Variants in GRM8 observed in about 807,000 individuals in gnomAD.
The protein encoded by GRM8 is metabotropic glutamate receptor 8.
In GRM8, 47 loss-of-function variants were observed where a neutral mutation model predicts 87.2. That is an observed-to-expected ratio of 0.54 (90% CI 0.43 to 0.69). GRM8 has a LOEUF of 0.69. GRM8 is among the 30% of genes least tolerant of loss of function. The pLI is 0.00. For synonymous variants in GRM8, 396 were observed against 404.5 expected, an observed-to-expected ratio of 0.98 and a Z score of 0.25; for missense variants, 1,019 against 1,139.2, an observed-to-expected ratio of 0.89 and a Z score of 1.52.
At chr7:126,971,157 TAAAAAAAAAAAAA>T (rs71177581) in intron 3 of GRM8, among the ~76,000 whole-genome samples, 1 of 100,244 alleles carries the variant, frequency 1.0e-5, no homozygotes, top group African/African-American at 3.9e-5. Flanking sequence ...TTTCAATTTG[TAAAAAAAAAAAAA>T]AAAAAAAAAA....
intron 3 of GRM8, among the ~76,000 whole-genome samples, chr7:127,068,712 C>T (rs1821380287): frequency 1.3e-5 from 2 of 152,162 alleles, no homozygotes; most frequent in Admixed American, 6.5e-5. Flanking sequence ...AGATTGGTCC[C>T]AGAGCAGGAG....
At chr7:126,453,356 T>C (rs1431724116) in intron 9 of GRM8, among the ~76,000 whole-genome samples, 2 of 151,776 alleles carry the variant, frequency 1.3e-5, no homozygotes, top group South Asian at 2.1e-4. Context: ...TGCAGTCACT[T>C]ATCACATCCC....
rs981059927 is a variant in GRM8 at position 127,057,469 on chromosome 7, G to GA, written c.727+49026dup. Among the ~76,000 whole-genome samples, 100 of 150,030 alleles carry GA rather than the reference G, an allele frequency of 6.7e-4. 2 individuals are homozygous for GA. The highest frequency in any genetic ancestry group is 3.4e-3 in the South Asian group (16 of 4,744). On this transcript the variant is annotated intron_variant, in intron 3 of 10. Transcript: ENST00000339582. Reference sequence around the variant, plus strand: ...CCATACAATATCCCTATAAAAACAAGAAAAAAAAAGCATCCTCATCATTTT... The same window carrying GA: ...CCATACAATATCCCTATAAAAACAAGAAAAAAAAAAGCATCCTCATCATTTT...
At chr7:126,634,803 A>G (rs991455784) in intron 7 of GRM8, among the ~76,000 whole-genome samples, 2 of 152,178 alleles carry the variant, frequency 1.3e-5, no homozygotes, top group Admixed American at 1.3e-4. Context: ...TCTAGCCTTT[A>G]CTTAAGACAA....
intron 8 of GRM8, among the ~76,000 whole-genome samples, chr7:126,565,984 T>A (rs1297413035): frequency 6.6e-6 from 1 of 152,134 alleles, no homozygotes; most frequent in Non-Finnish European, 1.5e-5. Flanking sequence ...GATATCCACA[T>A]GCACAGGAAT....
rs1280250850 is a variant in GRM8, at chr7:126,902,691, G to A, written c.1019-12C>T. ...GTATCGATCAAATCCTATTTCAAAGGAGAAAGGTATGATTTTAATATTCTT... is the reference window on the plus strand; with the variant it reads ...GTATCGATCAAATCCTATTTCAAAGAAGAAAGGTATGATTTTAATATTCTT... On this transcript the variant is annotated splice_polypyrimidine_tract_variant and intron_variant, in intron 5 of 10. Transcript: ENST00000339582. 3 of 1,553,058 alleles carry A rather than the reference G, an allele frequency of 1.9e-6. No individual in the cohort carries two copies. Among genetic ancestry groups the A allele is most frequent in the Non-Finnish European group, 1.7e-6 (2 of 1,143,082 alleles).
chr7:127,028,652 T>C (rs1182744265), intron 3 of GRM8, among the ~76,000 whole-genome samples: 1 of 152,196 alleles, frequency 6.6e-6, no homozygotes, highest in Non-Finnish European at 1.5e-5. Flanking sequence ...TGATGATAGT[T>C]TGTATTTCTG....
At chr7:127,071,532 C>T (rs1184872220) in intron 3 of GRM8, among the ~76,000 whole-genome samples, 1 of 152,208 alleles carries the variant, frequency 6.6e-6, no homozygotes, top group East Asian at 1.9e-4. Flanking sequence ...GCATCACTCA[C>T]AACAAGCCTC....
At chr7:126,890,853 G>A (rs374776817) in intron 6 of GRM8, among the ~76,000 whole-genome samples, 4 of 151,946 alleles carry the variant, frequency 2.6e-5, no homozygotes, top group African/African-American at 7.3e-5. Context: ...GAGTCCTCAA[G>A]GCTCTATCTC....
chr7:127,078,633 C>T (rs777627347), intron 3 of GRM8, among the ~76,000 whole-genome samples: 1 of 152,178 alleles, frequency 6.6e-6, no homozygotes, highest in African/African-American at 2.4e-5. Flanking sequence ...TTAGAGACAC[C>T]CATTGTCGAC....
intron 7 of GRM8, chr7:126,701,664 A>T (rs1585582906): frequency 2.2e-6 from 1 of 456,602 alleles, no homozygotes; most frequent in East Asian, 7.0e-5. Flanking sequence ...AATAGTCTAG[A>T]TAGTAAAATA....
intron 2 of GRM8, among the ~76,000 whole-genome samples, chr7:127,210,963 A>C (rs149254548): frequency 1.3e-4 from 20 of 152,324 alleles, no homozygotes; most frequent in African/African-American, 4.8e-4. Flanking sequence ...TACAAAGAAC[A>C]TCTCAGAGTT....
intron 3 of GRM8, among the ~76,000 whole-genome samples, chr7:127,072,172 T>C (rs1336730753): frequency 6.6e-6 from 1 of 152,080 alleles, no homozygotes; most frequent in East Asian, 1.9e-4. Flanking sequence ...CACCCAAACA[T>C]CACCCTGTAC....
intron 8 of GRM8, among the ~76,000 whole-genome samples, chr7:126,569,231 A>G (rs534867882): frequency 6.6e-6 from 1 of 152,222 alleles, no homozygotes; most frequent in African/African-American, 2.4e-5. Flanking sequence ...TTCTTACTCT[A>G]GTTTTGTTTT....
intron 10 of GRM8, among the ~76,000 whole-genome samples, chr7:126,439,593 C>T (rs990123921): frequency 1.3e-5 from 2 of 152,134 alleles, no homozygotes; most frequent in African/African-American, 4.8e-5. Context: ...TAAATATTTA[C>T]TACACTATAC....
At chr7:127,199,445 C>G (rs1031510127) in intron 2 of GRM8, among the ~76,000 whole-genome samples, 6 of 152,064 alleles carry the variant, frequency 3.9e-5, no homozygotes, top group Non-Finnish European at 7.4e-5. Flanking sequence ...CTAGTTAGTC[C>G]CTTCTTTTAC....
chr7:127,187,914 T>C (rs1445077428), intron 2 of GRM8, among the ~76,000 whole-genome samples: 1 of 152,242 alleles, frequency 6.6e-6, no homozygotes, highest in Non-Finnish European at 1.5e-5. Flanking sequence ...AGGTCTCTTT[T>C]ATCTCTGATC....
intron 9 of GRM8, among the ~76,000 whole-genome samples, chr7:126,498,370 G>A (rs911783653): frequency 6.6e-6 from 1 of 151,980 alleles, no homozygotes; most frequent in African/African-American, 2.4e-5. Flanking sequence ...AGAGGCATAA[G>A]CTCTTTCTCA....
chr7:126,830,062 CGA>C (rs1382969400), intron 6 of GRM8, among the ~76,000 whole-genome samples: 1 of 152,086 alleles, frequency 6.6e-6, no homozygotes, highest in African/African-American at 2.4e-5. Flanking sequence ...GAGTTTCTGC[CGA>C]GAGATCAGCT....
Sources: gnomAD v4.1 joint callset for allele counts (sites outside exome capture counted in the v4.1 genomes callset) on GRCh38, gnomAD v4.1.1 for gene constraint, MANE v1.5 for transcripts, NCBI Gene and HGNC (gene_info 2026-07-23, HGNC 2026-07-21) for gene names.